The following DGKB variants were observed in gnomAD, a reference collection of about 807,000 sequenced individuals.
DGKB encodes the protein 90 kDa diacylglycerol kinase.
In DGKB, 67 loss-of-function variants were observed where a neutral mutation model predicts 114.3. The observed-to-expected ratio is 0.59, with a 90% CI of 0.48 to 0.72. The LOEUF (loss-of-function observed/expected upper bound fraction) is 0.72, where lower values mean the gene tolerates loss of function less well. DGKB is among the 30% of genes least tolerant of loss of function. The pLI, the probability that DGKB is intolerant of heterozygous loss-of-function variation, is 0.00. For synonymous variants in DGKB, 398 were observed against 323.1 expected, an observed-to-expected ratio of 1.23 and a Z score of -2.49; for missense variants, 907 against 975.2, an observed-to-expected ratio of 0.93 and a Z score of 0.93.
chr7:14,658,868 T>C (rs1339883862), intron 13 of DGKB, among the ~76,000 whole-genome samples: 1 of 151,972 alleles, frequency 6.6e-6, no homozygotes, highest in African/African-American at 2.4e-5. Context: ...ACAAGCTTCA[T>C]AATTTATCTT....
chr7:14,296,337 T>C lies in DGKB; in HGVS notation c.2122+42178A>G, dbSNP rs184238877. On this transcript the variant is annotated intron_variant, in intron 23 of 25. Coordinates refer to ENST00000402815, the MANE Select transcript of DGKB (RefSeq NM_001350709.2). The stretch of plus-strand genomic sequence containing the variant: ...GAGCCACCATGCCCAGCCAAACTCA[T>C]TCTTTTTTATGGCTGCATAGTATTC... Among the ~76,000 whole-genome samples the C allele has an allele frequency of 7.7e-3, 1,172 of 152,246 alleles. 17 individuals carry two copies. The highest frequency in any genetic ancestry group is 0.027 in the African/African-American group (1,135 of 41,564).
chr7:14,935,129 G>A (rs374872348), intron 1 of DGKB, among the ~76,000 whole-genome samples: 29 of 152,274 alleles, frequency 1.9e-4, no homozygotes, highest in East Asian at 1.7e-3. Flanking sequence ...TAATGAGACC[G>A]CAAATGGTTT....
chr7:14,412,014 T>C (rs1412324651), intron 21 of DGKB, among the ~76,000 whole-genome samples: 1 of 152,202 alleles, frequency 6.6e-6, no homozygotes, highest in Non-Finnish European at 1.5e-5. Flanking sequence ...AGTGTTTTAT[T>C]ATCACAATTT....
chr7:14,265,315 A>ATTTTTTTTTTTTTTTTTTT (rs1178230744), intron 23 of DGKB, among the ~76,000 whole-genome samples: 1 of 40,506 alleles, frequency 2.5e-5, no homozygotes, highest in African/African-American at 1.9e-4. Context: ...TTTCTCTTGC[A>ATTTTTTTTTTTTTTTTTTT]TTCTTTTTTT....
chr7:14,737,261 T>C (rs1018705950), intron 4 of DGKB, among the ~76,000 whole-genome samples: 2 of 151,288 alleles, frequency 1.3e-5, no homozygotes, highest in South Asian at 4.2e-4. Context: ...GGATGGGCTT[T>C]ATAGGTAGCC....
chr7:14,183,952 C>T (rs192565124), intron 23 of DGKB, among the ~76,000 whole-genome samples: 138 of 152,290 alleles, frequency 9.1e-4, no homozygotes, highest in African/African-American at 3.2e-3. Context: ...TGGGAGACCC[C>T]CCAAATACTG....
intron 13 of DGKB, among the ~76,000 whole-genome samples, chr7:14,649,565 C>T (rs551472419): frequency 6.6e-6 from 1 of 152,010 alleles, no homozygotes; most frequent in South Asian, 2.1e-4. Flanking sequence ...AGACCATCAA[C>T]ACTAGGAAGA....
chr7:14,693,989 T>C (rs1823373934), intron 9 of DGKB, 86 bp downstream of exon 9: 2 of 1,452,222 alleles, frequency 1.4e-6, no homozygotes, highest in Non-Finnish European at 1.8e-6. Context: ...TGGTAGAAAA[T>C]GGTCACATCA....
chr7:14,156,090 T>C (rs542938299), intron 25 of DGKB, among the ~76,000 whole-genome samples: 15 of 152,064 alleles, frequency 9.9e-5, no homozygotes, highest in Non-Finnish European at 2.1e-4. Flanking sequence ...GGAGAAAAAC[T>C]GAAAGAAGTG....
chr7:14,560,651 G>C (rs1226729535), intron 20 of DGKB, among the ~76,000 whole-genome samples: 6 of 152,194 alleles, frequency 3.9e-5, no homozygotes, highest in African/African-American at 1.4e-4. Context: ...CTATAGCAAA[G>C]TGTGCTGCAA....
chr7:14,615,116 T>C (rs1806279961), intron 15 of DGKB, among the ~76,000 whole-genome samples: 2 of 152,056 alleles, frequency 1.3e-5, no homozygotes, highest in African/African-American at 4.8e-5. Flanking sequence ...ATAGCAATAA[T>C]AAATAGATGT....
chr7:14,177,099 C>G (rs1465178688), intron 24 of DGKB, among the ~76,000 whole-genome samples, 200 bp from the exon 25 acceptor site: 1 of 152,082 alleles, frequency 6.6e-6, no homozygotes, highest in Non-Finnish European at 1.5e-5. Flanking sequence ...ATATTATGAG[C>G]TTCCTGGTAA....
intron 9 of DGKB, among the ~76,000 whole-genome samples, chr7:14,693,419 G>A (rs1823239882): frequency 6.6e-6 from 1 of 151,818 alleles, no homozygotes; most frequent in Non-Finnish European, 1.5e-5. Context: ...TCTCATCTTA[G>A]GTTGATTTAT....
intron 2 of DGKB, among the ~76,000 whole-genome samples, chr7:14,758,828 T>C (rs1253514229): frequency 2.0e-5 from 3 of 152,184 alleles, no homozygotes; most frequent in Non-Finnish European, 4.4e-5. Context: ...ACTTGGAATG[T>C]ACCATTTCCT....
intron 21 of DGKB, among the ~76,000 whole-genome samples, chr7:14,476,265 G>A (rs1428357121): frequency 6.6e-6 from 1 of 151,694 alleles, no homozygotes; most frequent in Non-Finnish European, 1.5e-5. Flanking sequence ...TTCATTTCCA[G>A]GATATTTGAG....
At chr7:14,308,173 G>A (rs1359556759) in intron 23 of DGKB, among the ~76,000 whole-genome samples, 1 of 151,778 alleles carries the variant, frequency 6.6e-6, no homozygotes, top group Non-Finnish European at 1.5e-5. Context: ...TTTTATAGCA[G>A]GATTTCCTCA....
intron 23 of DGKB, among the ~76,000 whole-genome samples, chr7:14,197,897 C>T (rs1785254770): frequency 6.6e-6 from 1 of 152,064 alleles, no homozygotes; most frequent in Admixed American, 6.6e-5. Flanking sequence ...GGAATCATAA[C>T]TTCTTTCTGA....
intron 2 of DGKB, among the ~76,000 whole-genome samples, chr7:14,795,799 A>C (rs1841326474): frequency 6.6e-6 from 1 of 152,162 alleles, no homozygotes; most frequent in Admixed American, 6.5e-5. Context: ...GCATTTCTAG[A>C]CGTGAAATAG....
chr7:14,588,102 G>A (rs906408551), intron 17 of DGKB, among the ~76,000 whole-genome samples: 1 of 152,174 alleles, frequency 6.6e-6, no homozygotes, highest in African/African-American at 2.4e-5. Context: ...TACAATGGAT[G>A]TGCTCTATTG....
Sources: allele counts gnomAD v4.1 joint callset (sites outside exome capture counted in the v4.1 genomes callset), GRCh38; gene constraint gnomAD v4.1.1; transcripts MANE v1.5; gene names NCBI Gene and HGNC (gene_info 2026-07-23, HGNC 2026-07-21).